The following ACSL6 variants were observed in gnomAD, a reference collection of about 807,000 sequenced individuals.
ACSL6 encodes acyl-CoA synthetase long chain family member 6, also known as long-chain-fatty-acid--CoA ligase 6.
ACSL6 carries 47 observed loss-of-function variants against 98.2 expected under a neutral mutation model. That is an observed-to-expected ratio of 0.48 (90% CI 0.38 to 0.61). ACSL6 has a LOEUF of 0.61. Among genes scored for constraint, ACSL6 ranks in the 20% least tolerant of loss-of-function variants. The pLI is 0.00. For missense variants in ACSL6, 761 were observed against 913.4 expected, an observed-to-expected ratio of 0.83 and a Z score of 2.15; for synonymous variants, 362 against 336.9, an observed-to-expected ratio of 1.07 and a Z score of -0.82.
intron 1 of ACSL6, 41 bp from the exon 2 acceptor site, chr5:131,994,292 G>T: frequency 1.3e-6 from 2 of 1,537,542 alleles, no homozygotes; most frequent in South Asian, 2.4e-5. Flanking sequence ...AGACCTGACG[G>T]GCAGGTTAGG....
rs763812340 is a variant in ACSL6, at chr5:131,953,410, T to C, written c.*824A>G. On this transcript the variant is annotated 3_prime_UTR_variant, in exon 21 of 21. Coordinates refer to ENST00000651883, the MANE Select transcript of ACSL6 (RefSeq NM_001009185.3). ...GGGAGGATCCCTTGAGCTCAGGAGT[T>C]TGAGACCAGCCTGAGCAAAATCTCT... 1.3e-3 allele frequency: 239 copies of C among 184,434 alleles called. 4 individuals carry two copies. Among genetic ancestry groups the C allele is most frequent in the Non-Finnish European group, 2.8e-4 (24 of 86,964 alleles). 11.4% of individuals were successfully genotyped at this position (184,434 alleles called of 1,614,324 possible). A position where few individuals can be genotyped will look rare whatever the true frequency, so the allele number is the denominator to read the frequency against.
intron 14 of ACSL6, among the ~76,000 whole-genome samples, chr5:131,971,234 G>A (rs776880473): frequency 1.3e-5 from 2 of 152,206 alleles, no homozygotes; most frequent in African/African-American, 4.8e-5. Flanking sequence ...TAGAGATGCA[G>A]TACAGGTATG....
At chr5:132,010,633 C>G (rs777201594) in intron 1 of ACSL6, among the ~76,000 whole-genome samples, 1 of 152,170 alleles carries the variant, frequency 6.6e-6, no homozygotes, top group Non-Finnish European at 1.5e-5. Context: ...AGGTTTAAGG[C>G]CAATTTAAGG....
At chr5:131,988,561 G>C (rs1350455154) in intron 6 of ACSL6, 2 of 1,612,426 alleles carry the variant, frequency 1.2e-6, no homozygotes, top group African/African-American at 2.7e-5. Context: ...TGTACCCTGT[G>C]TGGAGGCTGT....
rs1753407637 is a variant in ACSL6 at position 131,973,133 on chromosome 5, A to C, written c.1203+133T>G. On this transcript the variant is annotated intron_variant, in intron 12 of 20. Transcript: ENST00000651883. The stretch of plus-strand genomic sequence containing the variant: ...GAAGGAAGAATGAGAAAGAGTCAGG[A>C]ACTACAAGAGAGGAGGCAAGTTCCA... 5 of 1,231,524 alleles carry C rather than the reference A, an allele frequency of 4.1e-6. No individual in the cohort carries two copies. In the South Asian group the frequency reaches 6.2e-5, roughly 15 times the overall value. The allele number at this position is 1,231,524 out of a possible 1,614,324, so 76.3% of individuals were successfully genotyped here.
rs969054015 is a variant in ACSL6 at position 131,950,436 on chromosome 5, A to G, written c.*3798T>C. ...TGCAGTTAATTGTAAATTCATAGAAAGTATTTTCTAGCATACTTGAGAGGA... is the reference window on the plus strand; with the variant it reads ...TGCAGTTAATTGTAAATTCATAGAAGGTATTTTCTAGCATACTTGAGAGGA... On this transcript the variant is annotated 3_prime_UTR_variant, in exon 21 of 21. Transcript: ENST00000651883. 1 of 204,378 alleles carries G rather than the reference A, an allele frequency of 4.9e-6. No individual in the cohort carries two copies. The highest frequency in any genetic ancestry group is 1.0e-5 in the Non-Finnish European group (1 of 99,860). The allele number at this position is 204,378 out of a possible 1,614,324, so 12.7% of individuals were successfully genotyped here. A position where few individuals can be genotyped will look rare whatever the true frequency, so the allele number is the denominator to read the frequency against.
At chr5:131,967,753 C>G (rs1005268244) in intron 16 of ACSL6, among the ~76,000 whole-genome samples, 187 bp downstream of exon 16, 5 of 151,618 alleles carry the variant, frequency 3.3e-5, no homozygotes, top group African/African-American at 7.3e-5. Flanking sequence ...CAGCTCAGTC[C>G]CAGCACTAGC....
chr5:131,960,555 T>C lies in ACSL6; in HGVS notation c.1924A>G (p.Ile642Val). The C allele has an allele frequency of 6.2e-7, 1 of 1,614,094 alleles. No homozygotes were observed. Among genetic ancestry groups the C allele is most frequent in the African/African-American group, 1.3e-5 (1 of 75,044 alleles). Reference sequence around the variant, plus strand: ...CAGAGATCTGCATATGTTCCTTCAATTCCTCTCTTCTGGGCCCAGGAGGGC... The same window carrying C: ...CAGAGATCTGCATATGTTCCTTCAACTCCTCTCTTCTGGGCCCAGGAGGGC... ...VMPSWAQKRG[I>V]EGTYADLCTN... The change falls in exon 19 of 21, where the codon ATT becomes GTT. Residue 642 changes from isoleucine (I) to valine (V), a missense_variant. Transcript: ENST00000651883.
chr5:131,975,705 C>G (rs566836406), intron 10 of ACSL6: 608 of 985,446 alleles, frequency 6.2e-4, no homozygotes, highest in Non-Finnish European at 7.1e-4. Context: ...TGGGACTGAC[C>G]CTAGGGACAG....
upstream of ACSL6, chr5:132,012,038 G>A: frequency 1.5e-6 from 2 of 1,365,652 alleles, no homozygotes; most frequent in Non-Finnish European, 2.0e-6. Flanking sequence ...GCGACTCGCA[G>A]CCTGGGTTTT....
intron 15 of ACSL6, among the ~76,000 whole-genome samples, chr5:131,969,742 A>G (rs1251790989): frequency 1.3e-5 from 2 of 152,120 alleles, no homozygotes; most frequent in East Asian, 3.9e-4. Context: ...TTTGAGAACT[A>G]CGTTCTCCTG....
intron 6 of ACSL6, 183 bp downstream of exon 6, chr5:131,988,622 G>A (rs912469683): frequency 1.2e-6 from 2 of 1,613,028 alleles, no homozygotes; most frequent in African/African-American, 2.7e-5. Flanking sequence ...ACCTTCGTGT[G>A]AAGTCTGACC....
At chr5:131,990,002 C>T (rs1754418973) in intron 4 of ACSL6, 98 bp downstream of exon 4, 2 of 1,277,680 alleles carry the variant, frequency 1.6e-6, no homozygotes, top group Non-Finnish European at 2.2e-6. Flanking sequence ...AAATAAATGA[C>T]CCTCTGAGAC....
In ACSL6 at chr5:131,994,358, C is replaced by T. The variant is rs115045864; in HGVS notation, c.50-107G>A. The T allele has an allele frequency of 1.6e-3, 1,652 of 1,021,830 alleles. 20 individuals carry two copies. In the African/African-American group the frequency reaches 0.018, roughly 11 times the overall value. 63.3% of individuals were successfully genotyped at this position (1,021,830 alleles called of 1,614,324 possible). ...TGGTCTGAAACACTGTAGGGCAGGC[C>T]CTCGGGGAGTTGGGATGTACAGAGT... On this transcript the variant is annotated intron_variant, in intron 1 of 20. Coordinates refer to ENST00000651883, the MANE Select transcript of ACSL6 (RefSeq NM_001009185.3).
intron 18 of ACSL6, chr5:131,960,916 C>T: frequency 4.0e-6 from 1 of 249,762 alleles, no homozygotes; most frequent in Non-Finnish European, 7.6e-6. Flanking sequence ...GGAGGCTGAG[C>T]AAACAACTCT....
chr5:131,962,178 G>T (rs866918120), intron 18 of ACSL6, among the ~76,000 whole-genome samples: 1 of 151,958 alleles, frequency 6.6e-6, no homozygotes, highest in Non-Finnish European at 1.5e-5. Flanking sequence ...CTCCAGCCTG[G>T]GTGAAAGAGC....
At chr5:131,972,977 A>G (rs1753397021) in intron 12 of ACSL6, 119 bp from the exon 13 acceptor site, 1 of 1,413,720 alleles carries the variant, frequency 7.1e-7, no homozygotes, top group Admixed American at 2.1e-5. Flanking sequence ...TTGCCCCTGC[A>G]GGAGGTCACT....
chr5:132,011,889 C>A, upstream of ACSL6: 1 of 1,548,314 alleles, frequency 6.5e-7, no homozygotes, highest in Non-Finnish European at 8.7e-7. The surrounding 1 kb of genome is among the most constrained non-coding windows in gnomAD (Gnocchi z 5.4). Context: ...CAGCCCTCTC[C>A]GGCCCCGCTC....
Position 131,966,457 on chromosome 5 carries a change from C to G in ACSL6, c.1672G>C (p.Asp558His). The G allele has an allele frequency of 6.2e-7, 1 of 1,614,200 alleles. No homozygotes were observed. The highest frequency in any genetic ancestry group is 8.5e-7 in the Non-Finnish European group (1 of 1,180,036). Residue 558 changes from aspartate (D) to histidine (H), a missense_variant, in exon 17 of 21, where the codon GAT (aspartate) becomes CAT (histidine). Physicochemically the swap from Asp to His is moderately conservative, Grantham distance 81. Coordinates refer to ENST00000651883, the MANE Select transcript of ACSL6 (RefSeq NM_001009185.3). ...PDRTKEALDSDGWLHTGDIGK... is the reference protein window; with the variant it reads ...PDRTKEALDSHGWLHTGDIGK... ...ATGTCTCCAGTGTGAAGCCAGCCATCGCTGTCCAGGGCCTCCTTCGTCCTG... is the reference window on the plus strand; with the variant it reads ...ATGTCTCCAGTGTGAAGCCAGCCATGGCTGTCCAGGGCCTCCTTCGTCCTG...
Sources: gnomAD v4.1 joint callset for allele counts (sites outside exome capture counted in the v4.1 genomes callset) on GRCh38, gnomAD v4.1.1 for gene constraint, Gnocchi (gnomAD v3.1) non-coding constraint, MANE v1.5 for transcripts, NCBI Gene and HGNC (gene_info 2026-07-23, HGNC 2026-07-21) for gene names.